The following ATXN1 variants were observed in gnomAD, a reference collection of about 807,000 sequenced individuals.
ATXN1 encodes ataxin-1.
Under a neutral mutation model 56.4 loss-of-function variants are expected in ATXN1, and 8 were observed. That is an observed-to-expected ratio of 0.14 (90% CI 0.08 to 0.26). The LOEUF (loss-of-function observed/expected upper bound fraction) is 0.26, where lower values mean the gene tolerates loss of function less well. ATXN1 is among the 10% of genes least tolerant of loss of function. The pLI is 1.00. For synonymous variants in ATXN1, 514 were observed against 494.6 expected (o/e 1.04, Z -0.52); for missense variants, 987 against 1,106.5 (o/e 0.89, Z 1.53).
intron 3 of ATXN1, chr6:16,615,336 G>T (rs1328951466): frequency 1.3e-5 from 2 of 151,420 alleles, no homozygotes; most frequent in African/African-American, 2.4e-5. Context: ...AAGTAGAGAG[G>T]AAAGGAATGG....
chr6:16,737,694 A>C (rs1760185351), intron 2 of ATXN1: 1 of 152,190 alleles, frequency 6.6e-6, no homozygotes, highest in Non-Finnish European at 1.5e-5. Flanking sequence ...TCAGAATAAC[A>C]CACTAGAATT....
At position 16,327,633 on chromosome 6, in the gene ATXN1, GTGCTGCTGCTGCTGCTGCTGC is replaced by G. The variant is rs751421308; in HGVS notation, c.657_677del (p.Gln219_Gln225del). ...TGATGAGCCCCGGAGCCCTGCTGAG[GTGCTGCTGCTGCTGCTGCTGC>G]TGCTGCTGCTGCTGCTGCTGCTGAT... is the stretch of plus-strand genomic sequence containing the variant. On this transcript the variant is annotated inframe_deletion, in exon 7 of 8. Transcript: ENST00000436367. 710 of 1,451,540 alleles carry G rather than the reference GTGCTGCTGCTGCTGCTGCTGC, an allele frequency of 4.9e-4. No individual in the cohort carries two copies. The highest frequency in any genetic ancestry group is 4.6e-4 in the Non-Finnish European group (492 of 1,063,994). 89.9% of individuals were successfully genotyped at this position (1,451,540 alleles called of 1,614,324 possible).
chr6:16,601,355 C>T (rs771234750), intron 3 of ATXN1, among the ~76,000 whole-genome samples: 31 of 152,100 alleles, frequency 2.0e-4, no homozygotes, highest in African/African-American at 4.6e-4. Flanking sequence ...TAATGAGATA[C>T]GTGGAACAAA....
At chr6:16,631,371 C>T (rs1019701811) in intron 3 of ATXN1, among the ~76,000 whole-genome samples, 1 of 152,208 alleles carries the variant, frequency 6.6e-6, no homozygotes, top group Non-Finnish European at 1.5e-5. Context: ...CACTCCTGGA[C>T]ACTGCATTGC....
At chr6:16,496,351 A>G (rs1287677835) in intron 5 of ATXN1, among the ~76,000 whole-genome samples, 1 of 152,210 alleles carries the variant, frequency 6.6e-6, no homozygotes, top group African/African-American at 2.4e-5. Context: ...AAAGACAGGT[A>G]TACTTTGATG....
intron 1 of ATXN1, among the ~76,000 whole-genome samples, chr6:16,758,997 A>T (rs1760975089): frequency 6.6e-6 from 1 of 152,206 alleles, no homozygotes. Flanking sequence ...AAAAAGCTCA[A>T]GTATCAAACT....
intron 4 of ATXN1, among the ~76,000 whole-genome samples, chr6:16,523,614 T>C (rs2113697692): frequency 6.6e-6 from 1 of 152,352 alleles, no homozygotes; most frequent in East Asian, 1.9e-4. Flanking sequence ...TCCTGCACTT[T>C]GCTCTTTCCC....
chr6:16,761,067 C>T (rs76304473), intron 1 of ATXN1: 1 of 66,634 alleles, frequency 1.5e-5, no homozygotes, highest in Non-Finnish European at 3.2e-5. Flanking sequence ...TACACACATA[C>T]ACACACACAC....
In ATXN1 at chr6:16,390,175, T is replaced by C. The variant is rs957809323; in HGVS notation, c.-160-61705A>G. 3.7e-4 allele frequency among the ~76,000 whole-genome samples: 56 copies of C among 152,222 alleles called. 1 individual carries two copies. On this transcript the variant is annotated intron_variant, in intron 6 of 7. Transcript: ENST00000436367. ...CTCAAGTCCACCCTACTGCTACTAG[T>C]ACTCTAACTGTGAGATCCTTGACCC...
chr6:16,669,750 T>C (rs1196692063), intron 2 of ATXN1, among the ~76,000 whole-genome samples: 2 of 150,932 alleles, frequency 1.3e-5, no homozygotes, highest in African/African-American at 2.4e-5. Flanking sequence ...TATACATGTA[T>C]CACGGTGGTT....
chr6:16,366,090 T>TA (rs1309992695), intron 6 of ATXN1, among the ~76,000 whole-genome samples: 4 of 152,214 alleles, frequency 2.6e-5, no homozygotes, highest in Non-Finnish European at 4.4e-5. Context: ...ACAGCAATCT[T>TA]TAAAGAAACA....
chr6:16,421,621 A>T (rs774900527), intron 6 of ATXN1, among the ~76,000 whole-genome samples: 3 of 140,554 alleles, frequency 2.1e-5, no homozygotes, highest in Non-Finnish European at 4.6e-5. Context: ...GGTGAGGGTA[A>T]AGACAAGCAG....
intron 6 of ATXN1, among the ~76,000 whole-genome samples, chr6:16,366,158 A>G (rs1761914843): frequency 6.6e-6 from 1 of 152,096 alleles, no homozygotes; most frequent in Admixed American, 6.6e-5. Flanking sequence ...GGAAAAGGGG[A>G]CCTCTATGGC....
At chr6:16,579,674 A>G (rs1294354000) in intron 4 of ATXN1, among the ~76,000 whole-genome samples, 2 of 151,982 alleles carry the variant, frequency 1.3e-5, no homozygotes, top group East Asian at 3.9e-4. Context: ...TTGTTTAGGT[A>G]CTCAGGAAAA....
rs1397035390 is a variant in ATXN1 at position 16,309,969 on chromosome 6, GGTTGCAGTGAGCCAAGATC to G, written c.1918-3129_1918-3111del. ...GAATCACTTGAACCCGGGAGGCGGA[GGTTGCAGTGAGCCAAGATC>G]GTTGCAGTGAGCCAAGATCGTTGCA... is the stretch of plus-strand genomic sequence containing the variant. On this transcript the variant is annotated intron_variant, in intron 7 of 7. Transcript: ENST00000436367. Among the ~76,000 whole-genome samples, 393 of 152,042 alleles carry G rather than the reference GGTTGCAGTGAGCCAAGATC, an allele frequency of 2.6e-3. 2 individuals carry two copies. The highest frequency in any genetic ancestry group is 0.014 in the Middle Eastern group (4 of 294).
At chr6:16,547,197 G>A (rs1159783012) in intron 4 of ATXN1, among the ~76,000 whole-genome samples, 1 of 152,138 alleles carries the variant, frequency 6.6e-6, no homozygotes, top group Non-Finnish European at 1.5e-5. Context: ...CCTAACAGAC[G>A]GAAATATACT....
At chr6:16,711,942 C>T (rs191761967) in intron 2 of ATXN1, among the ~76,000 whole-genome samples, 114 of 149,506 alleles carry the variant, frequency 7.6e-4, no homozygotes, top group Non-Finnish European at 1.3e-3. Flanking sequence ...AAATGATATG[C>T]TGAACAAAAG....
chr6:16,327,198 G>C lies in ATXN1; in HGVS notation c.1113C>G (p.Ser371Arg). Reference protein sequence around the residue: ...VVVHPSPSDYSSRDPSGVRAS... With the variant: ...VVVHPSPSDYRSRDPSGVRAS... ...CCCGGACCCCCGAAGGATCACGACT[G>C]CTGTAGTCTGAGGGGCTCGGGTGGA... The change falls in exon 7 of 8, where the codon AGC becomes AGG. Residue 371 changes from serine (S) to arginine (R), a missense_variant. Coordinates refer to ENST00000436367, the MANE Select transcript of ATXN1 (RefSeq NM_001128164.2). The C allele has an allele frequency of 6.2e-7, 1 of 1,613,970 alleles. No individual in the cohort carries two copies. Among genetic ancestry groups the C allele is most frequent in the Non-Finnish European group, 8.5e-7 (1 of 1,179,980 alleles).
At chr6:16,704,409 C>G (rs1465070269) in intron 2 of ATXN1, among the ~76,000 whole-genome samples, 1 of 152,132 alleles carries the variant, frequency 6.6e-6, no homozygotes, top group Non-Finnish European at 1.5e-5. Context: ...GCGAGGCGCT[C>G]CCTCTAAGAA....
Sources: gnomAD v4.1 joint callset for allele counts (sites outside exome capture counted in the v4.1 genomes callset) on GRCh38, gnomAD v4.1.1 for gene constraint, MANE v1.5 for transcripts, NCBI Gene and HGNC (gene_info 2026-07-23, HGNC 2026-07-21) for gene names.